CNTNAP5: variants seen among roughly 807,000 people sequenced by gnomAD.
The protein encoded by CNTNAP5 is contactin associated protein family member 5, also known as contactin-associated protein-like 5.
In CNTNAP5, 72 loss-of-function variants were observed where a neutral mutation model predicts 150.2. The ratio of observed to expected loss-of-function variants is 0.48; its 90% CI spans 0.40 to 0.58. The LOEUF (loss-of-function observed/expected upper bound fraction) is 0.58, where lower values mean the gene tolerates loss of function less well. Ranked by LOEUF, CNTNAP5 falls within the 20% of genes least tolerant of loss-of-function variation. CNTNAP5 has a pLI of 0.00. For synonymous variants in CNTNAP5, 672 were observed against 619.8 expected (o/e 1.08, Z -1.25); for missense variants, 1,636 against 1,626.2 (o/e 1.01, Z -0.10).
intron 4 of CNTNAP5, among the ~76,000 whole-genome samples, chr2:124,423,533 A>T (rs1356616362): frequency 1.4e-5 from 2 of 146,870 alleles, no homozygotes; most frequent in Non-Finnish European, 3.0e-5. Context: ...TATTTTTTGT[A>T]TTTTTTAGTA....
At chr2:124,780,219 T>G (rs778338923) in intron 17 of CNTNAP5, among the ~76,000 whole-genome samples, 7 of 152,180 alleles carry the variant, frequency 4.6e-5, no homozygotes, top group Non-Finnish European at 1.0e-4. Flanking sequence ...TGGGATTTTC[T>G]TTTAAGGGTT....
chr2:124,798,256 C>A lies in CNTNAP5; in HGVS notation c.3153C>A (p.Pro1051=). Residue 1051 remains proline, a synonymous_variant, in exon 19 of 24, where the codon CCC becomes CCA. Coordinates refer to ENST00000682447, the MANE Select transcript of CNTNAP5 (RefSeq NM_001367498.1). ...TTAGCTTTGTGACAACCCAGGCACC[C>A]AGTCTTTTGCTCTTTATCAATTCTT... ...IALSFVTTQA[P]SLLLFINSSS... is the part of the protein sequence containing the mutation. 6.2e-7 allele frequency: 1 copy of A among 1,613,944 alleles called. No homozygotes were observed. The highest frequency in any genetic ancestry group is 8.5e-7 in the Non-Finnish European group (1 of 1,179,828).
chr2:124,492,206 T>C (rs781110701), intron 7 of CNTNAP5, among the ~76,000 whole-genome samples: 29 of 152,188 alleles, frequency 1.9e-4, no homozygotes, highest in Non-Finnish European at 3.1e-4. Context: ...ATGTCAAGGA[T>C]ATATTCATCT....
chr2:124,057,072 T>C (rs995759806), intron 1 of CNTNAP5, among the ~76,000 whole-genome samples: 2 of 152,096 alleles, frequency 1.3e-5, no homozygotes, highest in Admixed American at 6.5e-5. Context: ...CCAATACTAA[T>C]CTCATGAGCC....
chr2:124,240,233 A>C (rs1446610553), intron 2 of CNTNAP5, among the ~76,000 whole-genome samples: 1 of 152,206 alleles, frequency 6.6e-6, no homozygotes, highest in Admixed American at 6.5e-5. Context: ...GCTCTCATTC[A>C]TCTACTAGGT....
chr2:124,060,379 G>A (rs958499822), intron 1 of CNTNAP5, among the ~76,000 whole-genome samples: 2 of 152,226 alleles, frequency 1.3e-5, no homozygotes, highest in Non-Finnish European at 2.9e-5. Context: ...GGTAAAAACA[G>A]ATTGGGGGAC....
chr2:124,428,673 A>ATTTT (rs68135556), intron 4 of CNTNAP5, among the ~76,000 whole-genome samples: 3 of 146,094 alleles, frequency 2.1e-5, no homozygotes, highest in Non-Finnish European at 3.0e-5. Flanking sequence ...AGCAATCAGC[A>ATTTT]TTTTTTTTTT....
rs547307573 is a variant in CNTNAP5, at chr2:124,848,035, G to A, written c.3218-17271G>A. On this transcript the variant is annotated intron_variant, in intron 19 of 23. Transcript: ENST00000682447. ...AATAAGGATTGAATACATTCAAGAT[G>A]TACAATGTGATGGGTCGATACATAT... 8.1e-4 allele frequency among the ~76,000 whole-genome samples: 123 copies of A among 152,216 alleles called. 3 individuals are homozygous for A. The South Asian group carries it at 0.024, about 30-fold the overall frequency.
At chr2:124,378,634 G>A (rs766593117) in intron 3 of CNTNAP5, among the ~76,000 whole-genome samples, 10 of 151,944 alleles carry the variant, frequency 6.6e-5, no homozygotes, top group Non-Finnish European at 1.0e-4. Flanking sequence ...TTAGGCTTTC[G>A]TGTTTTAAAA....
At chr2:124,497,704 C>A (rs1244571625) in intron 7 of CNTNAP5, among the ~76,000 whole-genome samples, 4 of 152,040 alleles carry the variant, frequency 2.6e-5, no homozygotes, top group Non-Finnish European at 5.9e-5. Flanking sequence ...GCAAAAATAC[C>A]CAGTGACCAA....
rs372511035 is a variant in CNTNAP5 at position 124,048,490 on chromosome 2, A to G, written c.82+22758A>G. Among the ~76,000 whole-genome samples the G allele has an allele frequency of 2.7e-4, 41 of 152,248 alleles. No homozygotes were observed. The South Asian group carries it at 7.5e-3, about 28-fold the overall frequency. ...ACCTGATAACATTTTGTTTGTTTCT[A>G]ATTTCTGTTTAGAGATTTGTTAACT... On this transcript the variant is annotated intron_variant, in intron 1 of 23. Coordinates refer to ENST00000682447, the MANE Select transcript of CNTNAP5 (RefSeq NM_001367498.1).
rs567725032 is a variant in CNTNAP5 at position 124,077,213 on chromosome 2, G to T, written c.82+51481G>T. Among the ~76,000 whole-genome samples the T allele has an allele frequency of 4.3e-4, 66 of 152,082 alleles. 1 individual carries two copies. The highest frequency in any genetic ancestry group is 4.1e-4 in the Non-Finnish European group (28 of 67,984). On this transcript the variant is annotated intron_variant, in intron 1 of 23. Transcript: ENST00000682447. ...TCCCAAAATCTGTTCTCTAATCATTGTTGTGAAGGCCACTTTATAACTACA... is the reference window on the plus strand; with the variant it reads ...TCCCAAAATCTGTTCTCTAATCATTTTTGTGAAGGCCACTTTATAACTACA...
chr2:124,856,122 A>G (rs1216405907), intron 19 of CNTNAP5, among the ~76,000 whole-genome samples: 1 of 152,056 alleles, frequency 6.6e-6, no homozygotes, highest in East Asian at 1.9e-4. Flanking sequence ...GTATAAAAAA[A>G]TAAAGAAATT....
chr2:124,463,493 C>T (rs1693301802), intron 6 of CNTNAP5, among the ~76,000 whole-genome samples: 1 of 152,150 alleles, frequency 6.6e-6, no homozygotes, highest in Non-Finnish European at 1.5e-5. Context: ...GCTGCCCTGT[C>T]AGCAGAAAAT....
intron 11 of CNTNAP5, among the ~76,000 whole-genome samples, chr2:124,600,693 C>A (rs1056090978): frequency 2.0e-5 from 3 of 150,452 alleles, no homozygotes; most frequent in African/African-American, 7.3e-5. Context: ...AATACAGGGG[C>A]ACACACACAA....
chr2:124,498,861 A>T (rs73953001), intron 7 of CNTNAP5, among the ~76,000 whole-genome samples: 6,080 of 152,256 alleles, frequency 0.04, 146 homozygotes, highest in Non-Finnish European at 0.042. Context: ...AAGACAAGAC[A>T]GATGTTAAAG....
intron 1 of CNTNAP5, among the ~76,000 whole-genome samples, chr2:124,164,518 G>T (rs1029813677): frequency 6.6e-6 from 1 of 152,162 alleles, no homozygotes; most frequent in African/African-American, 2.4e-5. Flanking sequence ...CTTTGAGGAA[G>T]TGACATTTGA....
At chr2:124,736,677 A>G (rs151102364) in intron 13 of CNTNAP5, among the ~76,000 whole-genome samples, 76 of 152,322 alleles carry the variant, frequency 5.0e-4, no homozygotes, top group African/African-American at 1.8e-3. Context: ...GATTTCTTCA[A>G]TGATAACCTA....
chr2:124,628,625 C>T (rs116635617), intron 12 of CNTNAP5, among the ~76,000 whole-genome samples: 45 of 152,268 alleles, frequency 3.0e-4, no homozygotes, highest in African/African-American at 8.7e-4. Flanking sequence ...CTGAAGTACA[C>T]AGACCAACAA....
Sources: allele counts gnomAD v4.1 joint callset (sites outside exome capture counted in the v4.1 genomes callset), GRCh38; gene constraint gnomAD v4.1.1; transcripts MANE v1.5; gene names NCBI Gene and HGNC (gene_info 2026-07-23, HGNC 2026-07-21).